SEL1L2: variants seen among roughly 807,000 people sequenced by gnomAD.
SEL1L2 encodes the protein protein sel-1 homolog 2.
SEL1L2 carries 89 observed loss-of-function variants against 98.8 expected under a neutral mutation model. The ratio of observed to expected loss-of-function variants is 0.90; its 90% CI spans 0.76 to 1.07. The LOEUF (loss-of-function observed/expected upper bound fraction) is 1.07, where lower values mean the gene tolerates loss of function less well. Among genes scored for constraint, SEL1L2 ranks in the 50% least tolerant of loss-of-function variants. The pLI, the probability that SEL1L2 is intolerant of heterozygous loss-of-function variation, is 0.00. For synonymous variants in SEL1L2, 262 were observed against 278.5 expected, an observed-to-expected ratio of 0.94 and a Z score of 0.59; for missense variants, 788 against 812.0, an observed-to-expected ratio of 0.97 and a Z score of 0.36.
At chr20:13,944,768 A>C (rs926541657) in intron 2 of SEL1L2, among the ~76,000 whole-genome samples, 4 of 152,224 alleles carry the variant, frequency 2.6e-5, no homozygotes, top group African/African-American at 4.8e-5. Flanking sequence ...TGAAAAATAC[A>C]AAGCGTTTTG....
chr20:13,990,738 A>G, upstream of SEL1L2: 1 of 536,138 alleles, frequency 1.9e-6, no homozygotes, highest in Non-Finnish European at 3.2e-6. Context: ...TGTGGAAAGG[A>G]TCCACTGCTA....
intron 1 of SEL1L2, among the ~76,000 whole-genome samples, chr20:13,956,635 A>C (rs986620423): frequency 2.6e-5 from 4 of 152,176 alleles, no homozygotes; most frequent in African/African-American, 9.6e-5. Flanking sequence ...CAGGCTTTGA[A>C]ATTTGAGAAA....
intron 2 of SEL1L2, among the ~76,000 whole-genome samples, chr20:13,950,009 G>T (rs1392140498): frequency 2.0e-5 from 3 of 152,144 alleles, no homozygotes; most frequent in Non-Finnish European, 4.4e-5. Context: ...CTTTAAAAAG[G>T]AAGGAAATTC....
intron 2 of SEL1L2, among the ~76,000 whole-genome samples, chr20:13,937,403 G>A (rs1287504265): frequency 2.0e-5 from 3 of 152,210 alleles, no homozygotes; most frequent in Non-Finnish European, 2.9e-5. Context: ...AGGAATTCGT[G>A]CCTTACAAAG....
chr20:13,981,889 T>C (rs2051847809), intron 1 of SEL1L2, among the ~76,000 whole-genome samples: 1 of 152,242 alleles, frequency 6.6e-6, no homozygotes, highest in South Asian at 2.1e-4. Context: ...CCATAGGTTA[T>C]TCAAAATAGC....
At chr20:13,856,641 A>G (rs1226078504) in intron 18 of SEL1L2, among the ~76,000 whole-genome samples, 1 of 152,172 alleles carries the variant, frequency 6.6e-6, no homozygotes, top group Non-Finnish European at 1.5e-5. Flanking sequence ...CTACTAGGAT[A>G]GCTCACCTGC....
At chr20:13,852,373 T>C (rs1988410840) in intron 18 of SEL1L2, among the ~76,000 whole-genome samples, 1 of 152,198 alleles carries the variant, frequency 6.6e-6, no homozygotes, top group African/African-American at 2.4e-5. Context: ...AAAGCCTTTC[T>C]TTAAAATTCC....
chr20:13,975,102 T>C (rs910335882), intron 1 of SEL1L2, among the ~76,000 whole-genome samples: 2 of 152,166 alleles, frequency 1.3e-5, no homozygotes, highest in East Asian at 3.8e-4. Context: ...TTTTACTACA[T>C]TTTATGGGCT....
At chr20:13,905,676 A>T (rs148302330) in intron 5 of SEL1L2, among the ~76,000 whole-genome samples, 4,315 of 152,090 alleles carry the variant, frequency 0.028, 89 homozygotes, top group Non-Finnish European at 0.041. Flanking sequence ...CATTTTTAGT[A>T]TTTGGTCCTT....
intron 12 of SEL1L2, among the ~76,000 whole-genome samples, chr20:13,870,582 A>G (rs2046140202): frequency 6.6e-6 from 1 of 152,164 alleles, no homozygotes; most frequent in African/African-American, 2.4e-5. Flanking sequence ...GGGGAGGGGC[A>G]GGTCAGACCT....
chr20:13,943,176 T>A (rs2049858444), intron 2 of SEL1L2, among the ~76,000 whole-genome samples: 1 of 152,206 alleles, frequency 6.6e-6, no homozygotes, highest in South Asian at 2.1e-4. Context: ...CACCTTCTAA[T>A]ATCACCAAAT....
intron 1 of SEL1L2, among the ~76,000 whole-genome samples, chr20:13,960,361 G>C (rs1205589346): frequency 6.6e-6 from 1 of 152,166 alleles, no homozygotes; most frequent in Non-Finnish European, 1.5e-5. Context: ...GCTAAAAGCA[G>C]TCATCGAAAG....
intron 5 of SEL1L2, among the ~76,000 whole-genome samples, chr20:13,905,645 C>T (rs1185683767): frequency 6.6e-6 from 1 of 152,034 alleles, no homozygotes; most frequent in African/African-American, 2.4e-5. Flanking sequence ...AGCATTGTCA[C>T]TTACCAACTT....
intron 2 of SEL1L2, among the ~76,000 whole-genome samples, chr20:13,948,835 G>C (rs1365991911): frequency 6.6e-6 from 1 of 152,156 alleles, no homozygotes; most frequent in East Asian, 1.9e-4. Flanking sequence ...ATGAGGATCA[G>C]TCTCAAATCC....
At chr20:13,859,891 A>T (rs1051122314) in intron 17 of SEL1L2, among the ~76,000 whole-genome samples, 1 of 152,146 alleles carries the variant, frequency 6.6e-6, no homozygotes, top group African/African-American at 2.4e-5. Context: ...TTTAGTAGAG[A>T]CAGGGTTTCA....
chr20:13,977,244 GC>G (rs1196963465), intron 1 of SEL1L2, among the ~76,000 whole-genome samples: 2 of 152,190 alleles, frequency 1.3e-5, no homozygotes, highest in African/African-American at 2.4e-5. Context: ...AGCACAAGAA[GC>G]ATAGAATATG....
chr20:13,969,916 T>A (rs1442635372), intron 1 of SEL1L2, among the ~76,000 whole-genome samples: 1 of 152,198 alleles, frequency 6.6e-6, no homozygotes, highest in East Asian at 1.9e-4. Flanking sequence ...CATCCGTTCT[T>A]GGTACATCTT....
chr20:13,943,496 C>G (rs1405935508), intron 2 of SEL1L2, among the ~76,000 whole-genome samples: 1 of 120,554 alleles, frequency 8.3e-6, no homozygotes, highest in African/African-American at 3.1e-5. Context: ...TTTTTTTTTT[C>G]ATTACTTTCA....
At chr20:13,919,206 G>T in intron 3 of SEL1L2, 83 bp from the exon 4 acceptor site, 1 of 815,854 alleles carries the variant, frequency 1.2e-6, no homozygotes, top group Non-Finnish European at 1.9e-6. Context: ...GTAATTTGTT[G>T]GCATATTAGA....
Sources: gnomAD v4.1 joint callset for allele counts (sites outside exome capture counted in the v4.1 genomes callset) on GRCh38, gnomAD v4.1.1 for gene constraint, MANE v1.5 for transcripts, NCBI Gene and HGNC (gene_info 2026-07-23, HGNC 2026-07-21) for gene names.